WWOX: variants seen among roughly 807,000 people sequenced by gnomAD.
WWOX encodes WW domain containing oxidoreductase, also known as WW domain-containing oxidoreductase.
WWOX carries 69 observed loss-of-function variants against 46.2 expected under a neutral mutation model. The observed-to-expected ratio is 1.49, with a 90% confidence interval of 1.23 to 1.82. The LOEUF is 1.82. Ranked by LOEUF, WWOX falls within the 40% of genes most tolerant of loss-of-function variation. WWOX has a pLI of 0.00. For synonymous variants in WWOX, 359 were observed against 202.6 expected, an observed-to-expected ratio of 1.77 and a Z score of -6.56; for missense variants, 919 against 542.6, an observed-to-expected ratio of 1.69 and a Z score of -6.89.
At chr16:78,314,571 C>T (rs1010409394) in intron 5 of WWOX, among the ~76,000 whole-genome samples, 3 of 143,892 alleles carry the variant, frequency 2.1e-5, no homozygotes, top group African/African-American at 7.8e-5. Flanking sequence ...GTCGCCCAGG[C>T]TGGAGTGTAA....
chr16:78,304,875 C>T (rs1274279292), intron 5 of WWOX, among the ~76,000 whole-genome samples: 1 of 152,176 alleles, frequency 6.6e-6, no homozygotes, highest in Non-Finnish European at 1.5e-5. Flanking sequence ...ATTTCGCTAG[C>T]ATTGGGAAAA....
chr16:78,763,710 T>A (rs190831759), intron 8 of WWOX, among the ~76,000 whole-genome samples: 1 of 152,234 alleles, frequency 6.6e-6, no homozygotes, highest in Non-Finnish European at 1.5e-5. Context: ...AGTTGTTATT[T>A]GGTATTCACG....
chr16:79,208,627 T>C (rs2051603146), intron 8 of WWOX, among the ~76,000 whole-genome samples: 1 of 92,272 alleles, frequency 1.1e-5, no homozygotes, highest in Non-Finnish European at 2.4e-5. Flanking sequence ...AAAGTGCTCT[T>C]TAAATTTTTT....
intron 8 of WWOX, among the ~76,000 whole-genome samples, chr16:79,044,162 A>T (rs1296045670): frequency 6.6e-6 from 1 of 152,232 alleles, no homozygotes; most frequent in African/African-American, 2.4e-5. Flanking sequence ...GCAAATGTTC[A>T]CTGTGTTCAG....
chr16:78,523,067 TC>T (rs796253853), intron 8 of WWOX, among the ~76,000 whole-genome samples: 5 of 151,778 alleles, frequency 3.3e-5, no homozygotes, highest in African/African-American at 1.2e-4. Flanking sequence ...GTGAAACCCA[TC>T]CCCCAAAAAA....
intron 5 of WWOX, chr16:78,278,757 G>A: frequency 1.8e-6 from 2 of 1,099,556 alleles, no homozygotes; most frequent in South Asian, 2.8e-5. Context: ...CTATCTCGGT[G>A]ATCTGACAGA....
intron 8 of WWOX, among the ~76,000 whole-genome samples, chr16:79,177,970 G>C (rs528083144): frequency 2.0e-5 from 3 of 152,254 alleles, no homozygotes; most frequent in African/African-American, 7.2e-5. Flanking sequence ...TTGAGGGCTC[G>C]TTCCCTGGCT....
At chr16:78,467,544 TA>T (rs2084110637) in intron 8 of WWOX, among the ~76,000 whole-genome samples, 1 of 152,230 alleles carries the variant, frequency 6.6e-6, no homozygotes, top group African/African-American at 2.4e-5. Context: ...AAACTGACTG[TA>T]ATGTCTCTTG....
intron 6 of WWOX, among the ~76,000 whole-genome samples, chr16:78,391,476 C>G (rs138491941): frequency 9.8e-5 from 15 of 152,290 alleles, no homozygotes; most frequent in African/African-American, 3.6e-4. Flanking sequence ...GAATCCAAAA[C>G]GACTTTTTGT....
chr16:78,574,019 C>G lies in WWOX; in HGVS notation c.1056+141267C>G, dbSNP rs112642747. 4.3e-3 allele frequency among the ~76,000 whole-genome samples: 656 copies of G among 152,242 alleles called. 7 individuals carry two copies. Among genetic ancestry groups the G allele is most frequent in the African/African-American group, 0.014 (600 of 41,558 alleles). ...CTTGACTGGGGAAGAATTGGCTTCCCAAATCACCCAGATTACTAGCAGACT... is the reference window on the plus strand; with the variant it reads ...CTTGACTGGGGAAGAATTGGCTTCCGAAATCACCCAGATTACTAGCAGACT... On this transcript the variant is annotated intron_variant, in intron 8 of 8. Transcript: ENST00000566780.
chr16:78,348,050 C>G (rs1270183214), intron 5 of WWOX, among the ~76,000 whole-genome samples: 1 of 122,212 alleles, frequency 8.2e-6, no homozygotes, highest in African/African-American at 2.8e-5. Flanking sequence ...TGCTTCCATC[C>G]CCTAACCCAC....
At chr16:79,093,299 A>G (rs11864213) in intron 8 of WWOX, among the ~76,000 whole-genome samples, 47,988 of 152,086 alleles carry the variant, frequency 0.32, 8,637 homozygotes, top group East Asian at 0.75. Context: ...GTCTATTAAT[A>G]CTGACAGTAG....
rs12596102 is a variant in WWOX at position 78,408,340 on chromosome 16, C to T, written c.606-16530C>T. On this transcript the variant is annotated intron_variant, in intron 6 of 8. Coordinates refer to ENST00000566780, the MANE Select transcript of WWOX (RefSeq NM_016373.4). Reference sequence around the variant, plus strand: ...ATGCTCACAAAGTAATTAGCATGTACCCTCCATTCTGAGTTAATATAAGGC... The same window carrying T: ...ATGCTCACAAAGTAATTAGCATGTATCCTCCATTCTGAGTTAATATAAGGC... Among the ~76,000 whole-genome samples the T allele has an allele frequency of 4.8e-3, 734 of 152,264 alleles. 17 individuals are homozygous for T. In the East Asian group the frequency reaches 0.062, roughly 13 times the overall value.
At chr16:78,872,589 G>A (rs992321689) in intron 8 of WWOX, 4 of 152,036 alleles carry the variant, frequency 2.6e-5, no homozygotes, top group Admixed American at 1.3e-4. Context: ...AAATACCTTA[G>A]GGCACATGGT....
intron 8 of WWOX, among the ~76,000 whole-genome samples, chr16:78,927,408 G>T (rs2134992): frequency 6.6e-6 from 1 of 152,196 alleles, no homozygotes; most frequent in African/African-American, 2.4e-5. Context: ...TCTTATGTCT[G>T]TTATTACCAT....
At chr16:79,111,056 G>C (rs940574707) in intron 8 of WWOX, among the ~76,000 whole-genome samples, 38 of 152,154 alleles carry the variant, frequency 2.5e-4, no homozygotes, top group African/African-American at 7.7e-4. Context: ...GAGATCATTT[G>C]TACCCTTAAC....
intron 8 of WWOX, among the ~76,000 whole-genome samples, chr16:79,003,012 C>T (rs866449244): frequency 1.3e-5 from 2 of 152,298 alleles, no homozygotes; most frequent in South Asian, 4.1e-4. Context: ...ATGCACCCAG[C>T]TCGCCAATGC....
intron 8 of WWOX, among the ~76,000 whole-genome samples, chr16:79,107,294 C>T (rs931423894): frequency 1.3e-5 from 2 of 151,578 alleles, no homozygotes; most frequent in South Asian, 2.1e-4. Flanking sequence ...TTCTGTTTTG[C>T]CCAGGTTGGT....
intron 5 of WWOX, among the ~76,000 whole-genome samples, chr16:78,342,740 A>C (rs969266536): frequency 1.7e-5 from 2 of 120,734 alleles, no homozygotes; most frequent in Admixed American, 1.6e-4. Context: ...CATTACTCCC[A>C]AAAATTGCAG....
Sources: allele counts gnomAD v4.1 joint callset (sites outside exome capture counted in the v4.1 genomes callset), GRCh38; gene constraint gnomAD v4.1.1; transcripts MANE v1.5; gene names NCBI Gene and HGNC (gene_info 2026-07-23, HGNC 2026-07-21).